The following TSPAN18 variants were observed in gnomAD, a reference collection of about 807,000 sequenced individuals.
TSPAN18 encodes the protein tetraspanin 18.
TSPAN18 carries 14 observed loss-of-function variants against 27.3 expected under a neutral mutation model. The observed-to-expected ratio is 0.51, with a 90% confidence interval of 0.34 to 0.80. The LOEUF (loss-of-function observed/expected upper bound fraction) is 0.80, where lower values mean the gene tolerates loss of function less well. Ranked by LOEUF, TSPAN18 falls within the 30% of genes least tolerant of loss-of-function variation. The probability of loss-of-function intolerance (pLI) is 0.01; values close to 1 mark genes in which losing one functional copy is unlikely to be tolerated. For synonymous variants in TSPAN18, 143 were observed against 136.5 expected (o/e 1.05, Z -0.33); for missense variants, 268 against 323.9 (o/e 0.83, Z 1.32).
chr11:44,903,549 C>T (rs866191736), intron 3 of TSPAN18: 8 of 456,208 alleles, frequency 1.8e-5, no homozygotes, highest in Middle Eastern at 3.2e-4. Context: ...CAGGGAAGCA[C>T]TGGATTGAAG....
At chr11:44,797,815 C>T (rs1856384124) in intron 2 of TSPAN18, among the ~76,000 whole-genome samples, 1 of 152,168 alleles carries the variant, frequency 6.6e-6, no homozygotes, top group Non-Finnish European at 1.5e-5. Context: ...TCAGGTGAAG[C>T]GACCTCTGGC....
intron 3 of TSPAN18, among the ~76,000 whole-genome samples, chr11:44,885,470 G>A (rs772734009): frequency 3.3e-5 from 5 of 152,138 alleles, no homozygotes; most frequent in Admixed American, 6.5e-5. Flanking sequence ...AGAGCCTGAC[G>A]GGTTGGTGGA....
chr11:44,902,029 C>G (rs1008886207), intron 3 of TSPAN18, among the ~76,000 whole-genome samples: 3 of 152,186 alleles, frequency 2.0e-5, no homozygotes, highest in African/African-American at 7.2e-5. Context: ...ACTGAAGATG[C>G]ACGGAGCTGA....
intron 8 of TSPAN18, among the ~76,000 whole-genome samples, chr11:44,923,034 G>A (rs768064046): frequency 1.3e-5 from 2 of 152,176 alleles, no homozygotes; most frequent in African/African-American, 2.4e-5. Context: ...ACTTGAACCC[G>A]GGAGGCGGAG....
chr11:44,742,342 C>T (rs1015821326), intron 1 of TSPAN18, among the ~76,000 whole-genome samples: 5 of 136,594 alleles, frequency 3.7e-5, no homozygotes, highest in East Asian at 2.1e-4. Flanking sequence ...CCTTCCTTTC[C>T]TCCCTCCCTC....
chr11:44,899,473 C>G (rs748707975), intron 3 of TSPAN18, among the ~76,000 whole-genome samples: 1 of 152,242 alleles, frequency 6.6e-6, no homozygotes, highest in African/African-American at 2.4e-5. Context: ...AACACAGTCA[C>G]TCTCCCTGCT....
At chr11:44,773,376 A>T (rs1855733652) in intron 2 of TSPAN18, among the ~76,000 whole-genome samples, 1 of 152,040 alleles carries the variant, frequency 6.6e-6, no homozygotes, top group African/African-American at 2.4e-5. Context: ...AGATTGCGCC[A>T]TTGCACTCCA....
chr11:44,866,495 G>C (rs1235357147), intron 3 of TSPAN18, among the ~76,000 whole-genome samples: 2 of 152,198 alleles, frequency 1.3e-5, no homozygotes, highest in Admixed American at 1.3e-4. Context: ...GTGGGCAGCA[G>C]CTATTTCTGT....
At chr11:44,861,481 G>A (rs1446087188) in intron 3 of TSPAN18, among the ~76,000 whole-genome samples, 26 of 144,314 alleles carry the variant, frequency 1.8e-4, no homozygotes, top group Admixed American at 2.8e-4. Context: ...CTGGGCGGGG[G>A]GTCGGTGGTT....
intron 2 of TSPAN18, among the ~76,000 whole-genome samples, chr11:44,785,750 C>T (rs1242470690): frequency 2.0e-5 from 3 of 152,102 alleles, no homozygotes; most frequent in Non-Finnish European, 4.4e-5. Flanking sequence ...TTGTACTTAG[C>T]AGGACTGGAC....
rs200740217 is a variant in TSPAN18, at chr11:44,757,274, A to AT, written c.-239-7143dup. 3.9e-3 allele frequency among the ~76,000 whole-genome samples: 589 copies of AT among 150,850 alleles called. 3 individuals are homozygous for AT. The highest frequency in any genetic ancestry group is 4.3e-3 in the Non-Finnish European group (289 of 67,572). On this transcript the variant is annotated intron_variant, in intron 1 of 9. Coordinates refer to ENST00000520358, the MANE Select transcript of TSPAN18 (RefSeq NM_130783.5). The stretch of plus-strand genomic sequence containing the variant: ...CAACACTTGTTATTTTTTATTTTTT[A>AT]TTTTTTTTTATAGTAGCCATGCCAG...
intron 2 of TSPAN18, among the ~76,000 whole-genome samples, chr11:44,813,680 A>G (rs923804972): frequency 1.6e-4 from 25 of 152,304 alleles, no homozygotes; most frequent in African/African-American, 5.3e-4. Context: ...TACAACCACT[A>G]TCAATGCCAG....
At chr11:44,750,904 C>T (rs1459462730) in intron 1 of TSPAN18, among the ~76,000 whole-genome samples, 1 of 152,232 alleles carries the variant, frequency 6.6e-6, no homozygotes, top group East Asian at 1.9e-4. Flanking sequence ...TGCCCTCATC[C>T]TCTAGGGTTC....
intron 3 of TSPAN18, among the ~76,000 whole-genome samples, chr11:44,870,804 T>A (rs1858173174): frequency 6.6e-6 from 1 of 152,200 alleles, no homozygotes; most frequent in African/African-American, 2.4e-5. Flanking sequence ...ATTTCAGCTG[T>A]TAAAGATGTC....
At chr11:44,742,499 G>C (rs945548645) in intron 1 of TSPAN18, among the ~76,000 whole-genome samples, 7 of 152,040 alleles carry the variant, frequency 4.6e-5, no homozygotes, top group Middle Eastern at 3.2e-3. Flanking sequence ...TAGTGGCATA[G>C]TCATCCAGCC....
At chr11:44,765,493 C>A (rs1271905376) in intron 2 of TSPAN18, among the ~76,000 whole-genome samples, 1 of 152,206 alleles carries the variant, frequency 6.6e-6, no homozygotes, top group Non-Finnish European at 1.5e-5. Flanking sequence ...TGATGGAGGG[C>A]TTCATGCGCC....
chr11:44,855,279 T>C (rs923814069), intron 2 of TSPAN18, among the ~76,000 whole-genome samples: 3 of 152,210 alleles, frequency 2.0e-5, no homozygotes, highest in Non-Finnish European at 4.4e-5. Flanking sequence ...CAAGACTCTT[T>C]TCTGAGTCAT....
chr11:44,787,176 C>T lies in TSPAN18; in HGVS notation c.-153+22664C>T, dbSNP rs1196619378. On this transcript the variant is annotated intron_variant, in intron 2 of 9. Transcript: ENST00000520358. ...CTTGAAAAACAGTGATCTAAGCTGC[C>T]GATATTTGAGTGCTTTCTATGTGCC... Among the ~76,000 whole-genome samples the T allele has an allele frequency of 5.7e-4, 87 of 152,110 alleles. 1 individual carries two copies. Among genetic ancestry groups the T allele is most frequent in the Non-Finnish European group, 1.6e-4 (11 of 68,030 alleles).
chr11:44,751,521 T>G (rs1425066456), intron 1 of TSPAN18, among the ~76,000 whole-genome samples: 1 of 151,958 alleles, frequency 6.6e-6, no homozygotes, highest in African/African-American at 2.4e-5. Context: ...CCTGATGGAG[T>G]CAGCAGGCAG....
Sources: gnomAD v4.1 joint callset for allele counts (sites outside exome capture counted in the v4.1 genomes callset) on GRCh38, gnomAD v4.1.1 for gene constraint, MANE v1.5 for transcripts, NCBI Gene and HGNC (gene_info 2026-07-23, HGNC 2026-07-21) for gene names.